Variants in IQGAP2 observed in about 807,000 individuals in gnomAD.
IQGAP2 encodes IQ motif containing GTPase activating protein 2.
IQGAP2 carries 173 observed loss-of-function variants against 201.3 expected under a neutral mutation model. That is an observed-to-expected ratio of 0.86 (90% CI 0.76 to 0.98). IQGAP2 has a LOEUF of 0.98. Ranked by LOEUF, IQGAP2 falls within the 50% of genes least tolerant of loss-of-function variation. IQGAP2 has a pLI of 0.00. For missense variants in IQGAP2, 1,687 were observed against 1,864.8 expected (o/e 0.90, Z 1.76); for synonymous variants, 675 against 673.9 (o/e 1.00, Z -0.03).
chr5:76,616,335 G>A lies in IQGAP2; in HGVS notation c.1521+5152G>A, dbSNP rs145910089. 3.9e-5 allele frequency: 6 copies of A among 152,648 alleles called. No individual in the cohort carries two copies. In the East Asian group the frequency reaches 1.2e-3, roughly 29 times the overall value. The allele number at this position is 152,648 out of a possible 1,614,324, so 9.5% of individuals were successfully genotyped here. ...TGAGGCAGAGTGGAGATATAGCAGA[G>A]CAAGAGGTTTGGTTGGTGCCTATAT... On this transcript the variant is annotated intron_variant, in intron 13 of 35. Coordinates refer to ENST00000274364, the MANE Select transcript of IQGAP2 (RefSeq NM_006633.5).
At chr5:76,532,883 C>T (rs1242110024) in intron 2 of IQGAP2, among the ~76,000 whole-genome samples, 6 of 152,254 alleles carry the variant, frequency 3.9e-5, no homozygotes, top group Non-Finnish European at 2.9e-5. Context: ...GCCACACTGC[C>T]TCTCATGTTC....
chr5:76,618,543 G>A (rs762843040), intron 13 of IQGAP2: 8 of 1,614,136 alleles, frequency 5.0e-6, no homozygotes, highest in South Asian at 2.2e-5. Flanking sequence ...GCCTTCCAAG[G>A]CAGAAAAGGG....
chr5:76,628,174 T>A (rs6453238), intron 14 of IQGAP2, among the ~76,000 whole-genome samples: 55,535 of 152,108 alleles, frequency 0.37, 10,157 homozygotes, highest in East Asian at 0.4. Context: ...CAAAGGGACC[T>A]ATGGCCTTTT....
chr5:76,481,816 C>A (rs6865413), intron 2 of IQGAP2, among the ~76,000 whole-genome samples: 1,812 of 152,316 alleles, frequency 0.012, 39 homozygotes, highest in African/African-American at 0.041. Context: ...TTAATACTTA[C>A]ATGGGGCTAG....
At chr5:76,668,651 TTTG>T in intron 22 of IQGAP2, 27 bp from the exon 23 acceptor site, 1 of 1,577,702 alleles carries the variant, frequency 6.3e-7, no homozygotes, top group African/African-American at 1.4e-5. Flanking sequence ...GTGGGATTTT[TTTG>T]TTTTCTTTTT....
At chr5:76,487,151 T>C (rs911349366) in intron 2 of IQGAP2, among the ~76,000 whole-genome samples, 29 of 150,840 alleles carry the variant, frequency 1.9e-4, no homozygotes, top group African/African-American at 7.1e-4. Context: ...CAGGCTGGAG[T>C]GCAGTGGCAC....
chr5:76,549,780 A>C (rs974923381), intron 2 of IQGAP2, among the ~76,000 whole-genome samples: 1 of 152,000 alleles, frequency 6.6e-6, no homozygotes, highest in African/African-American at 2.4e-5. Flanking sequence ...CTTTTCTTAT[A>C]AGGACAGTAG....
At chr5:76,572,859 G>A (rs1486018363) in intron 4 of IQGAP2, among the ~76,000 whole-genome samples, 1 of 152,212 alleles carries the variant, frequency 6.6e-6, no homozygotes, top group African/African-American at 2.4e-5. Context: ...CACTGCCACA[G>A]AAACAGAAGA....
At chr5:76,613,329 T>C (rs553723198) in intron 13 of IQGAP2, among the ~76,000 whole-genome samples, 1 of 152,318 alleles carries the variant, frequency 6.6e-6, no homozygotes, top group South Asian at 2.1e-4. Context: ...CTTACAAGCA[T>C]TGGAAGACAA....
chr5:76,411,268 G>A (rs946683606), intron 1 of IQGAP2, among the ~76,000 whole-genome samples: 1 of 152,178 alleles, frequency 6.6e-6, no homozygotes, highest in Non-Finnish European at 1.5e-5. Flanking sequence ...GGTATGTTAT[G>A]GAACGCTTTA....
In IQGAP2 at chr5:76,665,151, T is replaced by A; in HGVS notation, c.2655T>A (p.Tyr885Ter). ...SKERRKTLET[Y>*]QQLFYLLQTN... ...AGAGGAGAAAAACACTAGAAACATA[T>A]CAGCAGCTGTTTTACCTTTTACAGG... The change falls in exon 22 of 36, where the codon TAT becomes TAA. Residue 885 changes from tyrosine (Y) to a stop codon, truncating the protein, a stop_gained. Coordinates refer to ENST00000274364, the MANE Select transcript of IQGAP2 (RefSeq NM_006633.5). LOFTEE classifies it high-confidence loss of function. 1 of 1,613,310 alleles carries A rather than the reference T, an allele frequency of 6.2e-7. No individual in the cohort carries two copies. The highest frequency in any genetic ancestry group is 8.5e-7 in the Non-Finnish European group (1 of 1,179,644).
At chr5:76,647,194 T>C (rs973429006) in intron 17 of IQGAP2, among the ~76,000 whole-genome samples, 2 of 152,212 alleles carry the variant, frequency 1.3e-5, no homozygotes, top group African/African-American at 4.8e-5. Flanking sequence ...TCCAATATTA[T>C]ATATAAACAA....
intron 1 of IQGAP2, among the ~76,000 whole-genome samples, chr5:76,404,880 A>G (rs1172603126): frequency 1.3e-5 from 2 of 149,046 alleles, no homozygotes; most frequent in East Asian, 3.9e-4. Context: ...TGCAGTGCCA[A>G]CCTCAGGTGG....
At chr5:76,590,161 C>T (rs1746545247) in intron 7 of IQGAP2, among the ~76,000 whole-genome samples, 1 of 152,218 alleles carries the variant, frequency 6.6e-6, no homozygotes, top group Admixed American at 6.5e-5. Flanking sequence ...GGGCTTGCTT[C>T]ATTTTAGCCA....
rs1418270580 is a variant in IQGAP2, at chr5:76,671,250, G to C, written c.2844-509G>C. 3.3e-5 allele frequency among the ~76,000 whole-genome samples: 5 copies of C among 152,092 alleles called. No individual in the cohort carries two copies. The South Asian group carries it at 1.0e-3, about 32-fold the overall frequency. On this transcript the variant is annotated intron_variant, in intron 23 of 35. Transcript: ENST00000274364. ...CTCTCCAACCTGGGCAGTAGAGTGA[G>C]ACTCTGTCTCAAAAAGAAAAAAAGA...
Position 76,562,485 on chromosome 5 carries a change from C to A in IQGAP2, c.236C>A (p.Ala79Asp). The change falls in exon 3 of 36, where the codon GCC becomes GAC. Residue 79 changes from alanine to aspartate, a missense_variant. By Grantham distance (126) the Ala-to-Asp change is moderately radical (BLOSUM62 -2). Coordinates refer to ENST00000274364, the MANE Select transcript of IQGAP2 (RefSeq NM_006633.5). The part of the protein sequence containing the change: ...LRNGVYLAKL[A>D]KFFAPKMVSE... ...AATGGAGTTTACCTTGCAAAGTTAG[C>A]CAAGTTCTTTGCCCCGAAAATGGTA... 1 of 1,613,758 alleles carries A rather than the reference C, an allele frequency of 6.2e-7. No homozygotes were observed. Among genetic ancestry groups the A allele is most frequent in the South Asian group, 1.1e-5 (1 of 91,062 alleles).
rs114075307 is a variant in IQGAP2, at chr5:76,645,719, C to T, written c.2094+4616C>T. On this transcript the variant is annotated intron_variant, in intron 17 of 35. Transcript: ENST00000274364. The stretch of plus-strand genomic sequence containing the variant: ...CAGCCAAGCTGCCTTTGTTTGGAAA[C>T]GTAAAAAAACTCATAAATATAGAAG... 8.8e-3 allele frequency among the ~76,000 whole-genome samples: 1,323 copies of T among 150,960 alleles called. 21 individuals carry two copies. Among genetic ancestry groups the T allele is most frequent in the African/African-American group, 0.03 (1,223 of 41,126 alleles).
chr5:76,703,357 C>T (rs10078999), intron 35 of IQGAP2, among the ~76,000 whole-genome samples: 74,110 of 151,762 alleles, frequency 0.49, 18,842 homozygotes, highest in Non-Finnish European at 0.57. Context: ...GGTTTCACCA[C>T]GTTGCCCAGG....
At chr5:76,582,888 T>C (rs1453253048) in intron 5 of IQGAP2, among the ~76,000 whole-genome samples, 4 of 152,208 alleles carry the variant, frequency 2.6e-5, no homozygotes, top group South Asian at 4.1e-4. Context: ...ATATTATTTG[T>C]ACAAGTAGGA....
Sources: gnomAD v4.1 joint callset for allele counts (sites outside exome capture counted in the v4.1 genomes callset) on GRCh38, gnomAD v4.1.1 for gene constraint, MANE v1.5 for transcripts, NCBI Gene and HGNC (gene_info 2026-07-23, HGNC 2026-07-21) for gene names.